IDH3G: variants seen among roughly 807,000 people sequenced by gnomAD.
IDH3G encodes isocitrate dehydrogenase (NAD(+)) 3 non-catalytic subunit gamma.
In IDH3G, 9 loss-of-function variants were observed where a neutral mutation model predicts 26.9. That is an observed-to-expected ratio of 0.34 (90% CI 0.20 to 0.58). The LOEUF is 0.58. Among genes scored for constraint, IDH3G ranks in the 20% least tolerant of loss-of-function variants. The pLI is 0.85. For synonymous variants in IDH3G, 181 were observed against 160.0 expected (o/e 1.13, Z -0.99); for missense variants, 250 against 372.8 (o/e 0.67, Z 2.71).
chrX:153,788,236 T>C, intron 5 of IDH3G, 101 bp from the exon 6 acceptor site: 1 of 813,952 alleles, frequency 1.2e-6, no homozygotes, highest in South Asian at 2.1e-5. Flanking sequence ...GGAGCAAAAA[T>C]GTTTCCTGAA....
Position 153,786,781 on chromosome X carries a change from G to T in IDH3G, c.924+20C>A, listed in dbSNP as rs782014556. 4 of 1,195,262 alleles carry T rather than the reference G, an allele frequency of 3.3e-6. No individual in the cohort carries two copies. Among genetic ancestry groups the T allele is most frequent in the Non-Finnish European group, 4.5e-6 (4 of 883,241 alleles). ...AACAGGAGAAAGGCGGCAAGCCGCG[G>T]CACTGCCACCGGCACTCACTGTTTC... On this transcript the variant is annotated intron_variant, in intron 10 of 12. Coordinates refer to ENST00000217901, the MANE Select transcript of IDH3G (RefSeq NM_004135.4).
chrX:153,794,060 G>C, intron 1 of IDH3G, 186 bp downstream of exon 1: 1 of 484,469 alleles, frequency 2.1e-6, no homozygotes, highest in Non-Finnish European at 3.3e-6. Flanking sequence ...GGGGGAGCCG[G>C]TCCAGGGCCA....
intron 10 of IDH3G, 116 bp downstream of exon 10, chrX:153,786,685 C>CA (rs1388269492): frequency 2.2e-6 from 2 of 916,339 alleles, no homozygotes; most frequent in Admixed American, 2.7e-5. Flanking sequence ...CCTGGATATC[C>CA]AAAAAACTAC....
At chrX:153,788,338 A>G (rs782332371) in intron 5 of IDH3G, among the ~76,000 whole-genome samples, 4 of 112,851 alleles carry the variant, frequency 3.5e-5, no homozygotes, top group Non-Finnish European at 7.5e-5. Flanking sequence ...CAGGTGCTCC[A>G]TGAATAACCC....
chrX:153,789,374 T>G (rs1004042473), intron 5 of IDH3G, among the ~76,000 whole-genome samples: 1 of 112,013 alleles, frequency 8.9e-6, no homozygotes, highest in Non-Finnish European at 1.9e-5. Context: ...TGAAACCCAC[T>G]CTCTACTGAA....
intron 5 of IDH3G, 86 bp from the exon 6 acceptor site, chrX:153,788,221 C>T: frequency 1.1e-6 from 1 of 936,584 alleles, no homozygotes; most frequent in East Asian, 3.2e-5. Flanking sequence ...GGTCAGAAGA[C>T]TTGGGGAGCA....
At chrX:153,789,019 C>A (rs1439771703) in intron 5 of IDH3G, 2 of 316,663 alleles carry the variant, frequency 6.3e-6, no homozygotes, top group African/African-American at 5.4e-5. Context: ...AAAGCTGACC[C>A]CAGCAGAGAG....
At position 153,786,937 on chromosome X, in the gene IDH3G, C is replaced by G; in HGVS notation, c.788G>C (p.Arg263Pro). 1.7e-6 allele frequency: 2 copies of G among 1,208,465 alleles called. No homozygotes were observed. The highest frequency in any genetic ancestry group is 2.2e-6 in the Non-Finnish European group (2 of 893,135). The change falls in exon 10 of 13, where the codon CGG (arginine) becomes CCG (proline). Residue 263 changes from arginine (R) to proline (P), a missense_variant. Physicochemically the swap from Arg to Pro is moderately radical, Grantham distance 103 (BLOSUM62 -2). Transcript: ENST00000217901. ...VDNTTMQLVS[R>P]PQQFDVMVMP... is the part of the protein sequence containing the mutation. ...CACCATGACATCAAACTGCTGGGGC[C>G]GGGACACCAGCTGCGGGACAAGGAG...
At position 153,789,697 on chromosome X, in the gene IDH3G, G is replaced by T. The variant is rs1205781464; in HGVS notation, c.346+15C>A. ...CACCTAGGGCCCCATCCTGGCCCCT[G>T]GCCCTGGAGCTCACCCTTCAGGGCC... On this transcript the variant is annotated intron_variant, in intron 5 of 12. Transcript: ENST00000217901. 6.6e-6 allele frequency: 7 copies of T among 1,067,156 alleles called. No homozygotes were observed. The highest frequency in any genetic ancestry group is 7.8e-6 in the Non-Finnish European group (6 of 772,161). 87.9% of individuals were successfully genotyped at this position (1,067,156 alleles called of 1,213,427 possible).
chrX:153,788,861 A>G (rs1394612175), intron 5 of IDH3G, among the ~76,000 whole-genome samples: 1 of 112,912 alleles, frequency 8.9e-6, no homozygotes, highest in Admixed American at 9.3e-5. Flanking sequence ...GAGCAATGGA[A>G]GTAGTTTAAG....
intron 5 of IDH3G, among the ~76,000 whole-genome samples, chrX:153,789,436 C>G (rs782527839): frequency 1.8e-5 from 2 of 112,152 alleles, no homozygotes; most frequent in South Asian, 7.4e-4. Flanking sequence ...CTCAGCTACT[C>G]GGGAGGCTGA....
intron 8 of IDH3G, 128 bp downstream of exon 8, chrX:153,787,336 C>T: frequency 1.1e-6 from 1 of 921,253 alleles, no homozygotes; most frequent in South Asian, 2.2e-5. Context: ...TCGAGGGCAA[C>T]AGGGCACTCG....
Position 153,787,040 on chromosome X carries a change from C to T in IDH3G, c.777+11G>A. On this transcript the variant is annotated intron_variant, in intron 9 of 12. Transcript: ENST00000217901. ...CTCAGGGCAGGGGGACAGCACTGGG[C>T]AGGCTAATACCTGCATGGTGGTGTT... is the stretch of plus-strand genomic sequence containing the variant. 8.3e-7 allele frequency: 1 copy of T among 1,199,661 alleles called. No homozygotes were observed. The highest frequency in any genetic ancestry group is 1.1e-6 in the Non-Finnish European group (1 of 885,050).
intron 4 of IDH3G, 42 bp from the exon 5 acceptor site, chrX:153,789,866 C>A: frequency 5.6e-6 from 5 of 898,944 alleles, no homozygotes; most frequent in Non-Finnish European, 4.8e-6. Context: ...CAGACCCCCC[C>A]GCACCTCCTC....
chrX:153,786,941 A>T lies in IDH3G; in HGVS notation c.784T>A (p.Ser262Thr). 8.3e-7 allele frequency: 1 copy of T among 1,208,650 alleles called. No homozygotes were observed. The highest frequency in any genetic ancestry group is 1.1e-6 in the Non-Finnish European group (1 of 893,092). Residue 262 changes from serine to threonine, a missense_variant, in exon 10 of 13, where the codon TCC (serine) becomes ACC (threonine). Physicochemically the swap from Ser to Thr is moderately conservative, Grantham distance 58. Around this residue, in one of 2 missense-constraint regions of IDH3G, gnomAD observed 201 missense variants for 331.3 expected, o/e 0.61. Coordinates refer to ENST00000217901, the MANE Select transcript of IDH3G (RefSeq NM_004135.4). ...IVDNTTMQLV[S>T]RPQQFDVMVM... ...ATGACATCAAACTGCTGGGGCCGGG[A>T]CACCAGCTGCGGGACAAGGAGGGGG...
At chrX:153,788,177 G>A (rs781967073) in intron 5 of IDH3G, 42 bp from the exon 6 acceptor site, 16 of 1,182,354 alleles carry the variant, frequency 1.4e-5, no homozygotes, top group African/African-American at 3.5e-5. Context: ...GCCCATCCCC[G>A]CCCCACCTCA....
Position 153,785,845 on chromosome X carries a change from G to A in IDH3G, c.*27C>T, listed in dbSNP as rs782060808. 10 of 1,207,092 alleles carry A rather than the reference G, an allele frequency of 8.3e-6. No homozygotes were observed. Among genetic ancestry groups the A allele is most frequent in the Non-Finnish European group, 1.1e-5 (10 of 892,142 alleles). The stretch of plus-strand genomic sequence containing the variant: ...TGGAGTGGGAAGGGGAATCCAAGGA[G>A]CAAACCAAGAAGGTCCTAGGGCCAG... On this transcript the variant is annotated 3_prime_UTR_variant, in exon 13 of 13. Coordinates refer to ENST00000217901, the MANE Select transcript of IDH3G (RefSeq NM_004135.4).
intron 8 of IDH3G, 42 bp from the exon 9 acceptor site, chrX:153,787,195 A>C: frequency 2.8e-6 from 3 of 1,062,478 alleles, no homozygotes; most frequent in Non-Finnish European, 2.6e-6. Context: ...TGGCCATCGC[A>C]ACAGTCAGCC....
At chrX:153,789,213 C>A (rs782623610) in intron 5 of IDH3G, 1 of 342,550 alleles carries the variant, frequency 2.9e-6, no homozygotes, top group South Asian at 2.6e-5. Flanking sequence ...GAAATCAGAG[C>A]CGTGGGGCCC....
Sources: allele counts gnomAD v4.1 joint callset (sites outside exome capture counted in the v4.1 genomes callset), GRCh38; gene constraint gnomAD v4.1.1; regional missense constraint gnomAD v4.1.1; transcripts MANE v1.5; gene names NCBI Gene and HGNC (gene_info 2026-07-23, HGNC 2026-07-21).